CELF5: variants seen among roughly 807,000 people sequenced by gnomAD.
CELF5 encodes the protein CUGBP Elav-like family member 5, also known as CUG-BP and ETR-3 like factor 5.
CELF5 carries 6 observed loss-of-function variants against 54.9 expected under a neutral mutation model. The observed-to-expected ratio is 0.11, with a 90% CI of 0.06 to 0.22. The LOEUF (loss-of-function observed/expected upper bound fraction) is 0.22. Ranked by LOEUF, CELF5 falls within the 10% of genes least tolerant of loss-of-function variation. CELF5 has a pLI of 1.00. For synonymous variants in CELF5, 271 were observed against 290.9 expected (o/e 0.93, Z 0.70); for missense variants, 401 against 678.6 (o/e 0.59, Z 4.54).
rs1343063051 is a variant in CELF5 at position 3,248,909 on chromosome 19, T to TTCCTTC, written c.260-2076_260-2075insTCCTTC. ...TCCTTCCTTCCTTCCTTCCTTCCTT[T>TTCCTTC]CTTTCTTTCTTTCTTTCTTTTCTTT... On this transcript the variant is annotated intron_variant, in intron 1 of 12. Transcript: ENST00000292672. 6.1e-3 allele frequency among the ~76,000 whole-genome samples: 469 copies of TTCCTTC among 76,428 alleles called. 2 individuals are homozygous for TTCCTTC. The highest frequency in any genetic ancestry group is 0.015 in the African/African-American group (316 of 21,742). 50.1% of individuals were successfully genotyped at this position (76,428 alleles called of 152,430 possible).
Position 3,278,338 on chromosome 19 carries a change from A to G in CELF5, c.603+228A>G, listed in dbSNP as rs1184247047. 6.6e-6 allele frequency among the ~76,000 whole-genome samples: 1 copy of G among 151,816 alleles called. No homozygotes were observed. The highest frequency in any genetic ancestry group is 1.9e-4 in the East Asian group (1 of 5,182). On this transcript the variant is annotated intron_variant, in intron 5 of 12. Transcript: ENST00000292672. The surrounding 1 kb of genome is among the most constrained non-coding windows in gnomAD (Gnocchi z 4.5). Reference sequence around the variant, plus strand: ...GGAGGTGAGTAGGCAAGCGAAGTGTATGTGTGTGCATGGATGTATTACAAG... The same window carrying G: ...GGAGGTGAGTAGGCAAGCGAAGTGTGTGTGTGTGCATGGATGTATTACAAG...
In CELF5 at chr19:3,278,653, A is replaced by G. The variant is rs1334239389; in HGVS notation, c.603+543A>G. 2.0e-5 allele frequency among the ~76,000 whole-genome samples: 3 copies of G among 150,940 alleles called. No homozygotes were observed. Among genetic ancestry groups the G allele is most frequent in the Admixed American group, 1.3e-4 (2 of 15,058 alleles). ...CGGGGGAGGAAGCACATGTGTGTGCATCTGCAGGTGCATTTGTGGGCAGGT... is the reference window on the plus strand; with the variant it reads ...CGGGGGAGGAAGCACATGTGTGTGCGTCTGCAGGTGCATTTGTGGGCAGGT... On this transcript the variant is annotated intron_variant, in intron 5 of 12. Transcript: ENST00000292672. This position sits in a 1 kb window ranked among gnomAD's most constrained non-coding sequence, Gnocchi z 4.5.
At chr19:3,292,491 C>G (rs1178782029) in intron 11 of CELF5, among the ~76,000 whole-genome samples, 1 of 151,940 alleles carries the variant, frequency 6.6e-6, no homozygotes, top group Non-Finnish European at 1.5e-5. Flanking sequence ...ACCATGTTGG[C>G]CAGGCTGGTC....
intron 1 of CELF5, among the ~76,000 whole-genome samples, chr19:3,235,678 A>G (rs1322402697): frequency 5.7e-5 from 3 of 52,586 alleles, no homozygotes; most frequent in Non-Finnish European, 8.1e-5. Context: ...GGATGGATGG[A>G]TGTGTGGATG....
At chr19:3,294,536 G>C (rs1433012842) in intron 12 of CELF5, 1 of 152,166 alleles carries the variant, frequency 6.6e-6, no homozygotes, top group East Asian at 1.9e-4. Context: ...ACACAGATTT[G>C]GGAGTATTTA....
intron 10 of CELF5, among the ~76,000 whole-genome samples, chr19:3,287,196 A>G (rs1195833328): frequency 1.3e-5 from 2 of 151,880 alleles, no homozygotes; most frequent in South Asian, 2.1e-4. Flanking sequence ...TCACAACAAC[A>G]TGGAATAACT....
rs1049048077 is a variant in CELF5, at chr19:3,295,843, A to G, written c.*41-915A>G. On this transcript the variant is annotated intron_variant, in intron 12 of 12. Transcript: ENST00000292672. ...CCAATAGCCCTTAGCTTTCCGTCGG[A>G]GGGGGGGGGCGGACAGGGTTGGGGG... 3.3e-3 allele frequency: 485 copies of G among 148,098 alleles called. 2 individuals carry two copies. The highest frequency in any genetic ancestry group is 7.9e-3 in the African/African-American group (317 of 40,256). 9.2% of individuals were successfully genotyped at this position (148,098 alleles called of 1,614,324 possible).
Position 3,273,937 on chromosome 19 carries a change from C to T in CELF5, c.394+14C>T, listed in dbSNP as rs201797521. On this transcript the variant is annotated intron_variant, in intron 3 of 12. Coordinates refer to ENST00000292672, the MANE Select transcript of CELF5 (RefSeq NM_021938.4). ...GCCGCGGAGGTAGTTGTCATCTCTCCGTGGCTGCCAGGCTGGGGGTTGGCG... is the reference window on the plus strand; with the variant it reads ...GCCGCGGAGGTAGTTGTCATCTCTCTGTGGCTGCCAGGCTGGGGGTTGGCG... 50 of 1,611,886 alleles carry T rather than the reference C, an allele frequency of 3.1e-5. No individual in the cohort carries two copies. The highest frequency in any genetic ancestry group is 8.0e-5 in the African/African-American group (6 of 74,902).
intron 2 of CELF5, among the ~76,000 whole-genome samples, chr19:3,257,137 G>T (rs2079739244): frequency 1.3e-5 from 2 of 152,128 alleles, no homozygotes; most frequent in Non-Finnish European, 2.9e-5. Flanking sequence ...AGACAGGGTG[G>T]TCAGGGAAGG....
chr19:3,263,553 A>G (rs934951622), intron 2 of CELF5, among the ~76,000 whole-genome samples: 2 of 147,408 alleles, frequency 1.4e-5, no homozygotes, highest in Non-Finnish European at 3.0e-5. Flanking sequence ...AGAACAAGAC[A>G]CTGTTTCTAG....
chr19:3,285,093 C>T (rs1019752287), intron 9 of CELF5, 129 bp downstream of exon 9: 4 of 709,504 alleles, frequency 5.6e-6, no homozygotes, highest in Admixed American at 2.5e-5. Context: ...GGCCCCGCCC[C>T]TCAGGGCCCA....
intron 1 of CELF5, among the ~76,000 whole-genome samples, chr19:3,244,793 T>C (rs2079541096): frequency 6.7e-6 from 1 of 150,344 alleles, no homozygotes; most frequent in East Asian, 2.0e-4. Context: ...GTATGGTATT[T>C]GCATGCGTCT....
chr19:3,261,922 G>T (rs1247419031), intron 2 of CELF5, among the ~76,000 whole-genome samples: 1 of 152,188 alleles, frequency 6.6e-6, no homozygotes, highest in Non-Finnish European at 1.5e-5. Context: ...TGCAGTGGTG[G>T]ATAAGTTCTC....
chr19:3,267,441 C>T (rs1160714588), intron 2 of CELF5, among the ~76,000 whole-genome samples: 1 of 152,212 alleles, frequency 6.6e-6, no homozygotes, highest in Admixed American at 6.5e-5. Flanking sequence ...AATTGAGGCT[C>T]AGATTCCAGG....
chr19:3,291,071 G>C (rs1293207887), intron 11 of CELF5, among the ~76,000 whole-genome samples: 1 of 151,550 alleles, frequency 6.6e-6, no homozygotes, highest in Non-Finnish European at 1.5e-5. Flanking sequence ...GACCAGCCTG[G>C]GCAACATAGC....
intron 5 of CELF5, among the ~76,000 whole-genome samples, chr19:3,279,212 G>C (rs1190927864): frequency 6.6e-6 from 1 of 152,034 alleles, no homozygotes; most frequent in Non-Finnish European, 1.5e-5. Context: ...AATGGATGGG[G>C]GGCCTGTTGA....
chr19:3,254,194 C>T (rs1163546077), intron 2 of CELF5, among the ~76,000 whole-genome samples: 1 of 152,190 alleles, frequency 6.6e-6, no homozygotes, highest in Non-Finnish European at 1.5e-5. Flanking sequence ...CTGCATCCAT[C>T]TTGAGGGGAC....
intron 12 of CELF5, chr19:3,296,088 G>A: frequency 6.6e-6 from 1 of 150,472 alleles, no homozygotes. Flanking sequence ...TTTCTGAGCA[G>A]GTACAAAGAA....
At chr19:3,239,183 T>G (rs1452401421) in intron 1 of CELF5, among the ~76,000 whole-genome samples, 2 of 152,114 alleles carry the variant, frequency 1.3e-5, no homozygotes, top group Admixed American at 1.3e-4. Flanking sequence ...TGCTGCAGCC[T>G]CGACCTCCCA....
Sources: gnomAD v4.1 joint callset for allele counts (sites outside exome capture counted in the v4.1 genomes callset) on GRCh38, gnomAD v4.1.1 for gene constraint, Gnocchi (gnomAD v3.1) non-coding constraint, MANE v1.5 for transcripts, NCBI Gene and HGNC (gene_info 2026-07-23, HGNC 2026-07-21) for gene names.